SYTL5: variants seen among roughly 807,000 people sequenced by gnomAD.
SYTL5 encodes the protein synaptotagmin-like protein 5.
A neutral mutation model predicts 55.9 loss-of-function variants in SYTL5; 34 were observed. That is an observed-to-expected ratio of 0.61 (90% CI 0.46 to 0.81). SYTL5 has a LOEUF of 0.81. Among genes scored for constraint, SYTL5 ranks in the 30% least tolerant of loss-of-function variants. The pLI is 0.00. For missense variants in SYTL5, 637 were observed against 546.7 expected (o/e 1.17, Z -1.65); for synonymous variants, 221 against 188.7 (o/e 1.17, Z -1.40).
Position 38,120,374 on chromosome X carries a change from A to T in SYTL5, c.1613A>T (p.Asp538Val). 1.7e-6 allele frequency: 2 copies of T among 1,209,782 alleles called. No individual in the cohort carries two copies. Among genetic ancestry groups the T allele is most frequent in the South Asian group, 3.5e-5 (2 of 56,902 alleles). The change falls in exon 14 of 17, where the codon GAT becomes GTT. Residue 538 changes from aspartate (D) to valine (V), a missense_variant. Coordinates refer to ENST00000297875, the MANE Select transcript of SYTL5 (RefSeq NM_138780.3). Reference sequence around the variant, plus strand: ...CTTGGCCAGGTGGAGTTTGCTCCTGATATTGGCCTTCAATACAAAGGAGAG... The same window carrying T: ...CTTGGCCAGGTGGAGTTTGCTCCTGTTATTGGCCTTCAATACAAAGGAGAG... ...VLQPKVEFAPDIGLQYKGELT... is the reference protein window; with the variant it reads ...VLQPKVEFAPVIGLQYKGELT...
chrX:38,055,254 T>C (rs1283883679), intron 3 of SYTL5, among the ~76,000 whole-genome samples: 6 of 111,926 alleles, frequency 5.4e-5, no homozygotes, highest in Non-Finnish European at 9.4e-5. Flanking sequence ...TCTCATTCCT[T>C]GAGAAAGAAT....
intron 3 of SYTL5, among the ~76,000 whole-genome samples, chrX:38,069,373 C>G (rs1189282117): frequency 8.9e-6 from 1 of 111,791 alleles, no homozygotes; most frequent in Non-Finnish European, 1.9e-5. Flanking sequence ...TAGTTGAGTT[C>G]TTTTTTCTAT....
intron 4 of SYTL5, among the ~76,000 whole-genome samples, chrX:38,072,729 G>T (rs766459573): frequency 8.9e-6 from 1 of 111,953 alleles, no homozygotes; most frequent in African/African-American, 3.2e-5. Context: ...GGCTTGAAAT[G>T]CATAGTCTTA....
chrX:37,918,497 G>A, the SYTL5 span, among the ~76,000 whole-genome samples: 7 of 112,107 alleles, frequency 6.2e-5, no homozygotes, highest in Non-Finnish European at 1.1e-4. Context: ...ATCAGCCAAG[G>A]CCAGGCCATC....
chrX:38,032,404 T>C (rs1934980070), intron 1 of SYTL5, among the ~76,000 whole-genome samples: 1 of 111,584 alleles, frequency 9.0e-6, no homozygotes, highest in African/African-American at 3.3e-5. Context: ...GCTTCTTATG[T>C]TGACAAAGGG....
In SYTL5 at chrX:38,119,117, A is replaced by G. The variant is rs145216309; in HGVS notation, c.1597-1241A>G. On this transcript the variant is annotated intron_variant, in intron 13 of 16. Transcript: ENST00000297875. ...GCATGAGCCACTACACCCAGCCACAACCAAGATATTGCCATTGATATGATT... is the reference window on the plus strand; with the variant it reads ...GCATGAGCCACTACACCCAGCCACAGCCAAGATATTGCCATTGATATGATT... Among the ~76,000 whole-genome samples, 81 of 110,226 alleles carry G rather than the reference A, an allele frequency of 7.3e-4. No individual in the cohort carries two copies. The East Asian group carries it at 0.022, about 31-fold the overall frequency.
At chrX:38,002,935 C>T (rs1195372529), upstream of SYTL5, among the ~76,000 whole-genome samples, 1 of 111,681 alleles carries the variant, frequency 9.0e-6, no homozygotes, top group African/African-American at 3.3e-5. Flanking sequence ...GACATGAAGT[C>T]CTTGCCCATG....
the SYTL5 span, among the ~76,000 whole-genome samples, chrX:37,889,586 T>TG: frequency 9.9e-5 from 11 of 111,022 alleles, no homozygotes; most frequent in African/African-American, 9.8e-5. Flanking sequence ...TGGGCTTGAG[T>TG]GGGGGGGATA....
chrX:38,112,915 C>T (rs765408279), intron 13 of SYTL5, among the ~76,000 whole-genome samples: 13 of 112,359 alleles, frequency 1.2e-4, no homozygotes, highest in Non-Finnish European at 1.7e-4. Flanking sequence ...ATGAGTTACA[C>T]ATACTGATTT....
chrX:38,025,423 G>A (rs1380652117), intron 1 of SYTL5, among the ~76,000 whole-genome samples: 1 of 111,640 alleles, frequency 9.0e-6, no homozygotes, highest in African/African-American at 3.3e-5. Context: ...TTAAACTTAT[G>A]TCCCTTTGTG....
At chrX:37,951,369 C>T in the SYTL5 span, among the ~76,000 whole-genome samples, 234 of 110,825 alleles carry the variant, frequency 2.1e-3, 2 homozygotes, top group African/African-American at 7.3e-3. Context: ...TTTTAATAAA[C>T]GGTATAAATA....
intron 2 of SYTL5, among the ~76,000 whole-genome samples, chrX:38,046,406 A>T (rs1935462169): frequency 8.9e-6 from 1 of 111,743 alleles, no homozygotes; most frequent in Non-Finnish European, 1.9e-5. Flanking sequence ...ATGGTGGCAG[A>T]CAGGAGAAGA....
chrX:38,076,473 T>C, intron 5 of SYTL5, 94 bp from the exon 6 acceptor site: 1 of 787,678 alleles, frequency 1.3e-6, no homozygotes, highest in South Asian at 3.0e-5. Flanking sequence ...GAAGAATCCT[T>C]TATTATTAAA....
intron 10 of SYTL5, among the ~76,000 whole-genome samples, chrX:38,103,874 A>G (rs1937142198): frequency 8.9e-6 from 1 of 111,943 alleles, no homozygotes; most frequent in Non-Finnish European, 1.9e-5. Context: ...CAAATAATGT[A>G]ATAAGCAGTG....
At chrX:37,909,925 T>A in the SYTL5 span, among the ~76,000 whole-genome samples, 170 of 111,068 alleles carry the variant, frequency 1.5e-3, no homozygotes, top group African/African-American at 5.4e-3. Context: ...TCCACCCGCC[T>A]CAGCCTCCCA....
At chrX:38,063,464 A>G (rs1361964644) in intron 3 of SYTL5, among the ~76,000 whole-genome samples, 1 of 111,764 alleles carries the variant, frequency 8.9e-6, no homozygotes, top group Non-Finnish European at 1.9e-5. Flanking sequence ...TATAGTACAT[A>G]TCCAAGGTAC....
At chrX:37,995,629 T>C in the SYTL5 span, among the ~76,000 whole-genome samples, 2 of 111,828 alleles carry the variant, frequency 1.8e-5, no homozygotes, top group Non-Finnish European at 3.8e-5. Flanking sequence ...CTTCAGCTGA[T>C]CAAATCATGG....
the SYTL5 span, among the ~76,000 whole-genome samples, chrX:37,988,573 C>A: frequency 2.7e-5 from 3 of 111,880 alleles, no homozygotes; most frequent in Non-Finnish European, 5.6e-5. Flanking sequence ...TATATAACAA[C>A]CTTAGATTAT....
chrX:38,114,744 C>A (rs1262620646), intron 13 of SYTL5, among the ~76,000 whole-genome samples: 5 of 111,321 alleles, frequency 4.5e-5, no homozygotes, highest in African/African-American at 1.6e-4. Flanking sequence ...TTATTAATAA[C>A]TATGGTCACC....
Sources: gnomAD v4.1 joint callset for allele counts (sites outside exome capture counted in the v4.1 genomes callset) on GRCh38, gnomAD v4.1.1 for gene constraint, MANE v1.5 for transcripts, NCBI Gene and HGNC (gene_info 2026-07-23, HGNC 2026-07-21) for gene names.